C19orf12: variants seen among roughly 807,000 people sequenced by gnomAD.
C19orf12 encodes the protein protein C19orf12.
C19orf12 carries 2 observed loss-of-function variants against 3.8 expected under a neutral mutation model. That is an observed-to-expected ratio of 0.53 (90% CI 0.22 to 1.66). The LOEUF is 1.66. Ranked by LOEUF, C19orf12 falls within the 40% of genes most tolerant of loss-of-function variation. The pLI, the probability that C19orf12 is intolerant of heterozygous loss-of-function variation, is 0.20. For missense variants in C19orf12, 156 were observed against 188.8 expected (o/e 0.83, Z 1.02); for synonymous variants, 89 against 84.6 (o/e 1.05, Z -0.28).
chr19:29,702,616 C>T lies in C19orf12; in HGVS notation c.*96G>A. The T allele has an allele frequency of 1.3e-6, 2 of 1,521,866 alleles. No individual in the cohort carries two copies. The highest frequency in any genetic ancestry group is 1.8e-6 in the Non-Finnish European group (2 of 1,099,382). The allele number at this position is 1,521,866 out of a possible 1,614,324, so 94.3% of individuals were successfully genotyped here. On this transcript the variant is annotated 3_prime_UTR_variant, in exon 3 of 3. Transcript: ENST00000323670. Reference sequence around the variant, plus strand: ...ATACACTGATGATGTGGAGATTCCCCAGGGGGCATCCGCTGGGCTTCTCCC... The same window carrying T: ...ATACACTGATGATGTGGAGATTCCCTAGGGGGCATCCGCTGGGCTTCTCCC...
upstream of C19orf12, chr19:29,715,314 C>G (rs973921359): frequency 5.1e-6 from 2 of 390,986 alleles, no homozygotes. Flanking sequence ...CGGGAAGCCA[C>G]GCGCCGGGCC....
Position 29,700,778 on chromosome 19 carries a change from C to A in C19orf12, c.*1934G>T. The A allele has an allele frequency of 2.2e-6, 1 of 454,114 alleles. No homozygotes were observed. The highest frequency in any genetic ancestry group is 1.6e-5 in the South Asian group (1 of 64,478). The allele number at this position is 454,114 out of a possible 1,614,324, so 28.1% of individuals were successfully genotyped here. On this transcript the variant is annotated 3_prime_UTR_variant, in exon 3 of 3. Transcript: ENST00000323670. Reference sequence around the variant, plus strand: ...CTTAATCACCATGGGTTATAATTCACCCTGACGTCCTTACACACATGGAGG... The same window carrying A: ...CTTAATCACCATGGGTTATAATTCAACCTGACGTCCTTACACACATGGAGG...
chr19:29,708,378 C>G lies in C19orf12; in HGVS notation c.36G>C (p.Leu12=). 6.2e-7 allele frequency: 1 copy of G among 1,614,176 alleles called. No homozygotes were observed. Residue 12 remains leucine, a synonymous_variant, in exon 2 of 3, where the codon CTG becomes CTC. Coordinates refer to ENST00000323670, the MANE Select transcript of C19orf12 (RefSeq NM_031448.6). The part of the protein sequence containing the change: ...TIMVEDIMKL[L]CSLSGERKMK... ...TCTTCCTCTCCCCAGAAAGGGAGCA[C>G]AGCAGCTTCATGATGTCCTCCACCA...
At chr19:29,703,833 A>G (rs916526414) in intron 2 of C19orf12, among the ~76,000 whole-genome samples, 1 of 152,204 alleles carries the variant, frequency 6.6e-6, no homozygotes, top group South Asian at 2.1e-4. Flanking sequence ...TCTACTAAAA[A>G]TACAAAAATT....
At chr19:29,706,744 ATTTATT>A (rs1229912310) in intron 2 of C19orf12, among the ~76,000 whole-genome samples, 2 of 152,186 alleles carry the variant, frequency 1.3e-5, no homozygotes, top group African/African-American at 4.8e-5. Flanking sequence ...CCACCCACAC[ATTTATT>A]TTTCTCCTCA....
chr19:29,713,855 C>A (rs1233457983), intron 1 of C19orf12, among the ~76,000 whole-genome samples: 1 of 152,096 alleles, frequency 6.6e-6, no homozygotes, highest in Non-Finnish European at 1.5e-5. Flanking sequence ...GCCCTCCCTA[C>A]CCCAGCTCCT....
chr19:29,707,127 C>A (rs189583708), intron 2 of C19orf12, among the ~76,000 whole-genome samples: 1 of 152,184 alleles, frequency 6.6e-6, no homozygotes, highest in Non-Finnish European at 1.5e-5. Flanking sequence ...GAGGCCCAGG[C>A]GGGTGGATCG....
At position 29,702,348 on chromosome 19, in the gene C19orf12, A is replaced by G; in HGVS notation, c.*364T>C. ...CCCAAGATGAGAAGGCCCCGGGGGG[A>G]GGATGAAGTGTGGTCAGACCGTCGG... On this transcript the variant is annotated 3_prime_UTR_variant, in exon 3 of 3. Coordinates refer to ENST00000323670, the MANE Select transcript of C19orf12 (RefSeq NM_031448.6). 2.0e-6 allele frequency: 1 copy of G among 490,052 alleles called. No homozygotes were observed. Among genetic ancestry groups the G allele is most frequent in the Non-Finnish European group, 4.0e-6 (1 of 251,294 alleles). The allele number at this position is 490,052 out of a possible 1,614,324, so 30.4% of individuals were successfully genotyped here. A position where few individuals can be genotyped will look rare whatever the true frequency, so the allele number is the denominator to read the frequency against.
chr19:29,714,911 G>A lies in C19orf12; in HGVS notation c.-11+214C>T, dbSNP rs926204390. On this transcript the variant is annotated intron_variant, in intron 1 of 2. Coordinates refer to ENST00000323670, the MANE Select transcript of C19orf12 (RefSeq NM_031448.6). ...AGTCCCAGCTCTGCTGCTTACTTGT[G>A]TGACTTCAGCCTCTCCATGCCTCAG... 2.9e-6 allele frequency: 2 copies of A among 683,008 alleles called. No homozygotes were observed. Among genetic ancestry groups the A allele is most frequent in the Non-Finnish European group, 2.7e-6 (1 of 364,652 alleles). The allele number at this position is 683,008 out of a possible 1,614,324, so 42.3% of individuals were successfully genotyped here.
At chr19:29,703,654 T>C (rs1169746401) in intron 2 of C19orf12, among the ~76,000 whole-genome samples, 4 of 152,160 alleles carry the variant, frequency 2.6e-5, no homozygotes, top group Middle Eastern at 3.4e-3. Flanking sequence ...GCTGGGATTA[T>C]AGGCATGAGC....
At chr19:29,711,776 C>T (rs114930005) in intron 1 of C19orf12, among the ~76,000 whole-genome samples, 2,223 of 152,186 alleles carry the variant, frequency 0.015, 35 homozygotes, top group African/African-American at 0.029. Context: ...GCTTCCCCCC[C>T]CAAAAAAAAC....
In C19orf12 at chr19:29,702,745, C is replaced by G. The variant is rs757753300; in HGVS notation, c.393G>C (p.Lys131Asn). The change falls in exon 3 of 3, where the codon AAG (lysine) becomes AAC (asparagine). Residue 131 changes from lysine (K) to asparagine (N), a missense_variant. Transcript: ENST00000323670. ...CATACTGGATCTCGGCCCGCAGCTC[C>G]TTGGTGACGTAGTTCACCAGCATGG... is the stretch of plus-strand genomic sequence containing the variant. ...LLAMLVNYVT[K>N]ELRAEIQYDD 1.2e-6 allele frequency: 2 copies of G among 1,613,974 alleles called. No homozygotes were observed. The highest frequency in any genetic ancestry group is 3.3e-5 in the Admixed American group (2 of 60,034).
chr19:29,710,291 C>G (rs1414118775), intron 1 of C19orf12, among the ~76,000 whole-genome samples: 1 of 152,254 alleles, frequency 6.6e-6, no homozygotes, highest in African/African-American at 2.4e-5. Flanking sequence ...ATGAGAGGAC[C>G]GCAAAGCCAG....
At chr19:29,703,378 C>CTTTTTTTTTTTT (rs1165470646) in intron 2 of C19orf12, among the ~76,000 whole-genome samples, 21 of 128,374 alleles carry the variant, frequency 1.6e-4, no homozygotes, top group Non-Finnish European at 2.7e-4. Context: ...TTTTTCTTTT[C>CTTTTTTTTTTTT]TTTTTTTTTT....
rs1972066649 is a variant in C19orf12 at position 29,701,256 on chromosome 19, A to G, written c.*1456T>C. On this transcript the variant is annotated 3_prime_UTR_variant, in exon 3 of 3. Transcript: ENST00000323670. Reference sequence around the variant, plus strand: ...ACAGTACAGCTATGCCTCAGTATCCATGGGGGATGGGTTCCAGGACTGCAA... The same window carrying G: ...ACAGTACAGCTATGCCTCAGTATCCGTGGGGGATGGGTTCCAGGACTGCAA... 2.2e-6 allele frequency: 1 copy of G among 454,018 alleles called. No homozygotes were observed. The highest frequency in any genetic ancestry group is 1.6e-5 in the South Asian group (1 of 64,478). 28.1% of individuals were successfully genotyped at this position (454,018 alleles called of 1,614,324 possible).
At chr19:29,707,682 G>A (rs1972445992) in intron 2 of C19orf12, among the ~76,000 whole-genome samples, 1 of 152,098 alleles carries the variant, frequency 6.6e-6, no homozygotes, top group Admixed American at 6.6e-5. Flanking sequence ...TGACACAGAT[G>A]CCATTTACAA....
chr19:29,702,960 G>GC lies in C19orf12; in HGVS notation c.177dup (p.Leu60AlafsTer12), dbSNP rs770374870. Reference sequence around the variant, plus strand: ...CCACTTGTCATCCAGGCACCTAACAGCCCCCCGACAGCCCCCCCTAGAAAA... The same window carrying GC: ...CCACTTGTCATCCAGGCACCTAACAGCCCCCCCGACAGCCCCCCCTAGAAAA... On this transcript the variant is annotated frameshift_variant, in exon 3 of 3. Coordinates refer to ENST00000323670, the MANE Select transcript of C19orf12 (RefSeq NM_031448.6). LOFTEE classifies it high-confidence loss of function. The GC allele has an allele frequency of 3.1e-6, 5 of 1,613,770 alleles. No homozygotes were observed. Among genetic ancestry groups the GC allele is most frequent in the Non-Finnish European group, 3.4e-6 (4 of 1,179,742 alleles).
chr19:29,707,992 C>G (rs1442061326), intron 2 of C19orf12, among the ~76,000 whole-genome samples: 1 of 152,022 alleles, frequency 6.6e-6, no homozygotes, highest in Non-Finnish European at 1.5e-5. Context: ...CTGCCTCAGC[C>G]TCCCGAGTAG....
At position 29,699,940 on chromosome 19, in the gene C19orf12, TG is replaced by T. The variant is rs1210873130; in HGVS notation, c.*2771del. 4.4e-6 allele frequency: 2 copies of T among 453,994 alleles called. No homozygotes were observed. Among genetic ancestry groups the T allele is most frequent in the Admixed American group, 2.3e-5 (1 of 42,554 alleles). 28.1% of individuals were successfully genotyped at this position (453,994 alleles called of 1,614,324 possible). A position where few individuals can be genotyped will look rare whatever the true frequency, so the allele number is the denominator to read the frequency against. The stretch of plus-strand genomic sequence containing the variant: ...AATCAAGAAAAGTGCTTTCGGCTCC[TG>T]GGGGAGATAAGACTCCAGGTTCAGG... On this transcript the variant is annotated 3_prime_UTR_variant, in exon 3 of 3. Transcript: ENST00000323670.
Sources: allele counts gnomAD v4.1 joint callset (sites outside exome capture counted in the v4.1 genomes callset), GRCh38; gene constraint gnomAD v4.1.1; transcripts MANE v1.5; gene names NCBI Gene and HGNC (gene_info 2026-07-23, HGNC 2026-07-21).